OR4P4: variants seen among roughly 807,000 people sequenced by gnomAD.
OR4P4 encodes olfactory receptor 4P4.
A neutral mutation model predicts 2.1 loss-of-function variants in OR4P4; 1 was observed. That is an observed-to-expected ratio of 0.47 (90% CI 0.17 to 2.21). The LOEUF is 2.21. Ranked by LOEUF, OR4P4 falls within the 30% of genes most tolerant of loss-of-function variation. OR4P4 has a pLI of 0.27. For missense variants in OR4P4, 375 were observed against 376.5 expected (o/e 1.00, Z 0.03); for synonymous variants, 129 against 133.2 (o/e 0.97, Z 0.22).
At chr11:55,637,803 A>T (rs528492417) in intron 1 of OR4P4, among the ~76,000 whole-genome samples, 1 of 138,536 alleles carries the variant, frequency 7.2e-6, no homozygotes, top group East Asian at 2.4e-4. Flanking sequence ...ACAACTTAAG[A>T]TATGTTTGTT....
At chr11:55,635,595 T>C (rs1858378081) in intron 1 of OR4P4, among the ~76,000 whole-genome samples, 1 of 137,252 alleles carries the variant, frequency 7.3e-6, no homozygotes. Flanking sequence ...AAGTCAGATG[T>C]TGCAAAGAAA....
exon 2 of OR4P4, chr11:55,638,354 G>C (rs1352458736): frequency 2.3e-6 from 3 of 1,295,230 alleles, no homozygotes; most frequent in Non-Finnish European, 3.2e-6. Context: ...ATCTACACTG[G>C]ACCATGGAAA....
Position 55,635,962 on chromosome 11 carries a change from A to T in OR4P4, c.-31+746A>T, listed in dbSNP as rs867723189. ...TAAATGTCAACAGATAATAGCACCT[A>T]CTTTCTTGGAGAACTGCATGTGAGA... On this transcript the variant is annotated intron_variant, in intron 1 of 1. Transcript: ENST00000641760. Among the ~76,000 whole-genome samples, 6 of 137,796 alleles carry T rather than the reference A, an allele frequency of 4.4e-5. 2 individuals are homozygous for T. Among genetic ancestry groups the T allele is most frequent in the Middle Eastern group, 3.8e-3 (1 of 266 alleles). The allele number at this position is 137,796 out of a possible 152,430, so 90.4% of individuals were successfully genotyped here.
exon 2 of OR4P4, chr11:55,638,765 G>T: frequency 1.3e-6 from 2 of 1,492,490 alleles, no homozygotes; most frequent in Non-Finnish European, 1.8e-6. Flanking sequence ...TTATGAGCAG[G>T]CAAAAGTGTA....
Position 55,638,909 on chromosome 11 carries a change from A to G in OR4P4, c.552A>G (p.Lys184=). 2 of 1,492,054 alleles carry G rather than the reference A, an allele frequency of 1.3e-6. 1 individual carries two copies. The highest frequency in any genetic ancestry group is 1.8e-6 in the Non-Finnish European group (2 of 1,097,310). 92.4% of individuals were successfully genotyped at this position (1,492,054 alleles called of 1,614,324 possible). ...TCTGTGATGTGTATCCTTTGCTGAAATTGGCCTGTTCTAATATACACATGA... is the reference window on the plus strand; with the variant it reads ...TCTGTGATGTGTATCCTTTGCTGAAGTTGGCCTGTTCTAATATACACATGA... Residue 184 remains lysine, a synonymous_variant, in exon 2 of 2, where the codon AAA becomes AAG. Coordinates refer to ENST00000641760, the Ensembl canonical transcript of OR4P4.
exon 2 of OR4P4, chr11:55,639,523 A>T: frequency 2.9e-6 from 1 of 347,396 alleles, no homozygotes. Context: ...GTGACATGAA[A>T]TAACCAGAAA....
rs1174557052 is a variant in OR4P4 at position 55,635,208 on chromosome 11, T to A, written c.-39T>A. 1 of 138,018 alleles carries A rather than the reference T, an allele frequency of 7.2e-6. No homozygotes were observed. The highest frequency in any genetic ancestry group is 1.6e-5 in the Non-Finnish European group (1 of 61,644). 8.5% of individuals were successfully genotyped at this position (138,018 alleles called of 1,614,324 possible). On this transcript the variant is annotated 5_prime_UTR_variant, in exon 1 of 2. An upstream start codon of the reference 5' UTR is lost. Coordinates refer to ENST00000641760, the Ensembl canonical transcript of OR4P4. ...CTCTGGTAACGTGGGTCTAAGAGGATGCTAATTGGTGAGTTGATTACATGG... is the reference window on the plus strand; with the variant it reads ...CTCTGGTAACGTGGGTCTAAGAGGAAGCTAATTGGTGAGTTGATTACATGG...
chr11:55,636,163 C>T (rs761613889), intron 1 of OR4P4, among the ~76,000 whole-genome samples: 1 of 137,728 alleles, frequency 7.3e-6, no homozygotes, highest in Non-Finnish European at 1.6e-5. Context: ...ATCTAAGTGG[C>T]AGTGTTAGGG....
At position 55,635,254 on chromosome 11, in the gene OR4P4, TGTAA is replaced by T. The variant is rs1219891718; in HGVS notation, c.-31+48_-31+51del. 2 of 138,012 alleles carry T rather than the reference TGTAA, an allele frequency of 1.4e-5. 1 individual carries two copies. The highest frequency in any genetic ancestry group is 4.7e-4 in the East Asian group (2 of 4,264). The allele number at this position is 138,012 out of a possible 1,614,324, so 8.5% of individuals were successfully genotyped here. On this transcript the variant is annotated intron_variant, in intron 1 of 1. Transcript: ENST00000641760. Reference sequence around the variant, plus strand: ...CATGGGGGACATATAAATAATTAACTGTAAGTAAGTAAGAAATGCCTTGGGAAGA... The same window carrying T: ...CATGGGGGACATATAAATAATTAACTGTAAGTAAGAAATGCCTTGGGAAGA...
At position 55,639,035 on chromosome 11, in the gene OR4P4, C is replaced by T. The variant is rs777779309; in HGVS notation, c.678C>T (p.Tyr226=). 6.0e-6 allele frequency: 9 copies of T among 1,492,592 alleles called. 2 individuals carry two copies. Among genetic ancestry groups the T allele is most frequent in the South Asian group, 1.2e-5 (1 of 84,902 alleles). 92.5% of individuals were successfully genotyped at this position (1,492,592 alleles called of 1,614,324 possible). ...TTATATTGTATACCATCAGAGCATA[C>T]TCTGCAGAGAGACGCAGCAAAGCTC... The change falls in exon 2 of 2, where the codon TAC becomes TAT. Residue 226 remains tyrosine (Y), a synonymous_variant. Transcript: ENST00000641760.
At position 55,638,667 on chromosome 11, in the gene OR4P4, T is replaced by G. The variant is rs1858419732; in HGVS notation, c.310T>G (p.Phe104Val). Reference sequence around the variant, plus strand: ...TATGATACAACTCTTTACCACCCATTTTTTTGGAGGCATAGAGATCTTCAT... The same window carrying G: ...TATGATACAACTCTTTACCACCCATGTTTTTGGAGGCATAGAGATCTTCAT... Residue 104 changes from phenylalanine to valine, a missense_variant, in exon 2 of 2, where the codon TTT (phenylalanine) becomes GTT (valine). Coordinates refer to ENST00000641760, the Ensembl canonical transcript of OR4P4. 2 of 1,492,622 alleles carry G rather than the reference T, an allele frequency of 1.3e-6. 1 individual carries two copies. The highest frequency in any genetic ancestry group is 5.2e-5 in the East Asian group (2 of 38,784). 92.5% of individuals were successfully genotyped at this position (1,492,622 alleles called of 1,614,324 possible).
rs1858432812 is a variant in OR4P4 at position 55,639,388 on chromosome 11, G to C, written c.*92G>C. On this transcript the variant is annotated 3_prime_UTR_variant, in exon 2 of 2. Transcript: ENST00000641760. ...GTCCTTAATGTTTGGAGAGAAAAGT[G>C]GGCAAACAGGAAGCATATCCCTTCT... 2.9e-6 allele frequency: 2 copies of C among 697,654 alleles called. 1 individual carries two copies. Among genetic ancestry groups the C allele is most frequent in the Non-Finnish European group, 4.5e-6 (2 of 440,552 alleles). The allele number at this position is 697,654 out of a possible 1,614,324, so 43.2% of individuals were successfully genotyped here. A position where few individuals can be genotyped will look rare whatever the true frequency, so the allele number is the denominator to read the frequency against.
chr11:55,639,614 GAGA>G (rs1386662318), exon 2 of OR4P4: 1 of 218,184 alleles, frequency 4.6e-6, no homozygotes, highest in Non-Finnish European at 8.8e-6. Context: ...TTAAAGTTCT[GAGA>G]AGATCAATGA....
chr11:55,636,244 A>G lies in OR4P4; in HGVS notation c.-31+1028A>G, dbSNP rs117851886. ...CAATAGCTGAAAATGCAGTATTGCTATTCATGTTTGGGAGAACAAAATATA... is the reference window on the plus strand; with the variant it reads ...CAATAGCTGAAAATGCAGTATTGCTGTTCATGTTTGGGAGAACAAAATATA... On this transcript the variant is annotated intron_variant, in intron 1 of 1. Transcript: ENST00000641760. Among the ~76,000 whole-genome samples, 185 of 137,678 alleles carry G rather than the reference A, an allele frequency of 1.3e-3. 44 individuals carry two copies. The East Asian group carries it at 0.031, about 23-fold the overall frequency. 90.3% of individuals were successfully genotyped at this position (137,678 alleles called of 152,430 possible).
intron 1 of OR4P4, among the ~76,000 whole-genome samples, chr11:55,637,559 C>T (rs999264948): frequency 6.6e-5 from 9 of 137,040 alleles, no homozygotes; most frequent in African/African-American, 2.3e-4. Context: ...TGAAATTATT[C>T]ATTGTATTGG....
At chr11:55,640,175 ATG>A (rs1226547268) in exon 2 of OR4P4, 1 of 134,404 alleles carries the variant, frequency 7.4e-6, no homozygotes, top group African/African-American at 2.6e-5. Flanking sequence ...AATAATAATA[ATG>A]TTTTTATCTT....
At chr11:55,639,511 A>T in exon 2 of OR4P4, 2 of 374,128 alleles carry the variant, frequency 5.3e-6, no homozygotes, top group South Asian at 6.4e-5. Flanking sequence ...GATTGTGCTT[A>T]TGTGACATGA....
intron 1 of OR4P4, among the ~76,000 whole-genome samples, chr11:55,637,056 A>G (rs984837505): frequency 1.4e-5 from 2 of 138,062 alleles, no homozygotes; most frequent in African/African-American, 5.0e-5. Context: ...AGTTGAACCC[A>G]GAAGAAAAAT....
In OR4P4 at chr11:55,639,107, A is replaced by T. The variant is rs113342491; in HGVS notation, c.750A>T (p.Ala250=). 9.8e-4 allele frequency: 1,459 copies of T among 1,493,430 alleles called. 170 individuals carry two copies. In the African/African-American group the frequency reaches 0.017, roughly 17 times the overall value. 92.5% of individuals were successfully genotyped at this position (1,493,430 alleles called of 1,614,324 possible). The change falls in exon 2 of 2, where the codon GCA becomes GCT. Residue 250 remains alanine (A), a synonymous_variant. Transcript: ENST00000641760. Reference sequence around the variant, plus strand: ...TAATTGTTGTGGTCCTGTTTTTTGCACCTGCATTGTTCATTTACATTAGAC... The same window carrying T: ...TAATTGTTGTGGTCCTGTTTTTTGCTCCTGCATTGTTCATTTACATTAGAC...
Sources: gnomAD v4.1 joint callset for allele counts (sites outside exome capture counted in the v4.1 genomes callset) on GRCh38, gnomAD v4.1.1 for gene constraint, MANE v1.5 for transcripts, NCBI Gene and HGNC (gene_info 2026-07-23, HGNC 2026-07-21) for gene names.